The following MCF2 variants were observed in gnomAD, a reference collection of about 807,000 sequenced individuals.
MCF2 encodes the protein proto-oncogene DBL.
Under a neutral mutation model 82.5 loss-of-function variants are expected in MCF2, and 44 were observed. The ratio of observed to expected loss-of-function variants is 0.53; its 90% CI spans 0.42 to 0.69. MCF2 has a LOEUF of 0.69. Ranked by LOEUF, MCF2 falls within the 30% of genes least tolerant of loss-of-function variation. MCF2 has a pLI of 0.00. For synonymous variants in MCF2, 217 were observed against 224.9 expected, an observed-to-expected ratio of 0.96 and a Z score of 0.32; for missense variants, 623 against 663.1, an observed-to-expected ratio of 0.94 and a Z score of 0.66.
At chrX:139,593,428 T>G (rs989840452) in intron 19 of MCF2, among the ~76,000 whole-genome samples, 1 of 110,972 alleles carries the variant, frequency 9.0e-6, no homozygotes, top group Non-Finnish European at 1.9e-5. Flanking sequence ...CAGGACCAGA[T>G]GGATTCACAG....
upstream of MCF2, chrX:139,646,776 T>A: frequency 1.1e-6 from 1 of 930,077 alleles, no homozygotes. Context: ...AAAAATGTAA[T>A]GAAATACTAT....
rs190874849 is a variant in MCF2 at position 139,649,634 on chromosome X, C to T, written c.25+2086G>A. ...CCACTGAACACCTACAAGTACTGTCCTACGAGTAAACTTTATGAGAAGAGA... is the reference window on the plus strand; with the variant it reads ...CCACTGAACACCTACAAGTACTGTCTTACGAGTAAACTTTATGAGAAGAGA... On this transcript the variant is annotated intron_variant, in intron 2 of 27. Coordinates refer to the MCF2 transcript ENST00000414978. Among the ~76,000 whole-genome samples the T allele has an allele frequency of 5.9e-5, 3 of 50,558 alleles. No individual in the cohort carries two copies. In the East Asian group the frequency reaches 9.5e-4, roughly 16 times the overall value. The allele number at this position is 50,558 out of a possible 115,157, so 43.9% of individuals were successfully genotyped here.
At chrX:139,672,687 C>A (rs981187068) in intron 1 of MCF2, among the ~76,000 whole-genome samples, 1 of 112,075 alleles carries the variant, frequency 8.9e-6, no homozygotes, top group African/African-American at 3.2e-5. Flanking sequence ...GGTGGACAAG[C>A]TTTTTGATGT....
chrX:139,649,717 A>T (rs1225860010), intron 2 of MCF2, among the ~76,000 whole-genome samples: 5 of 112,089 alleles, frequency 4.5e-5, no homozygotes, highest in African/African-American at 1.6e-4. Flanking sequence ...TACCATTGGG[A>T]ACCCTTTCTT....
At chrX:139,647,653 T>C (rs901735721), upstream of MCF2, among the ~76,000 whole-genome samples, 5 of 111,016 alleles carry the variant, frequency 4.5e-5, no homozygotes, top group Admixed American at 2.9e-4. Context: ...CCCATTTCCA[T>C]AGGAACCAGG....
chrX:139,604,948 C>T (rs1405735051), exon 14 of MCF2: 31 of 1,193,973 alleles, frequency 2.6e-5, no homozygotes, highest in Non-Finnish European at 3.4e-5. Context: ...GGCATAAGAT[C>T]AAACATCTCT....
At chrX:139,651,334 C>T (rs1569384391) in intron 2 of MCF2, among the ~76,000 whole-genome samples, 1 of 110,739 alleles carries the variant, frequency 9.0e-6, no homozygotes, top group Non-Finnish European at 1.9e-5. Flanking sequence ...TGCAACTTGC[C>T]ACCATTTGTA....
intron 24 of MCF2, among the ~76,000 whole-genome samples, chrX:139,583,768 AT>A (rs1199283669): frequency 9.0e-6 from 1 of 111,242 alleles, no homozygotes; most frequent in Non-Finnish European, 1.9e-5. Context: ...AGTTGAAAGT[AT>A]TTTTTAAAAG....
intron 1 of MCF2, among the ~76,000 whole-genome samples, chrX:139,660,173 A>C: frequency 8.9e-6 from 1 of 112,003 alleles, no homozygotes; most frequent in Non-Finnish European, 1.9e-5. Flanking sequence ...CATGTCATCT[A>C]TCTAGTTCCC....
chrX:139,628,721 A>T (rs1034189861), intron 4 of MCF2, among the ~76,000 whole-genome samples: 5 of 112,275 alleles, frequency 4.5e-5, no homozygotes, highest in African/African-American at 1.6e-4. Flanking sequence ...CTATTATCAG[A>T]TGAGAGAGAC....
chrX:139,703,521 A>T (rs147355452), intron 1 of MCF2, among the ~76,000 whole-genome samples: 1,270 of 111,917 alleles, frequency 0.011, 26 homozygotes, highest in African/African-American at 0.038. Context: ...GTGTCACCTG[A>T]GGTCAGGAGT....
chrX:139,611,169 CATGAGACTCCTCTCTCCAGGAA>C (rs2148448293), intron 10 of MCF2, among the ~76,000 whole-genome samples: 1 of 111,781 alleles, frequency 8.9e-6, no homozygotes, highest in East Asian at 2.8e-4. Context: ...ACACAGGCTG[CATGAGACTCCTCTCTCCAGGAA>C]AGGAACAAAC....
At chrX:139,631,395 A>G in exon 3 of MCF2, 1 of 1,151,255 alleles carries the variant, frequency 8.7e-7, no homozygotes, top group Non-Finnish European at 1.2e-6. Flanking sequence ...GACAACATAC[A>G]TTTCTGAAGA....
exon 20 of MCF2, chrX:139,589,852 C>T (rs1189039682): frequency 8.4e-7 from 1 of 1,195,655 alleles, no homozygotes; most frequent in South Asian, 1.8e-5. Context: ...ATATAAACTT[C>T]TTCCTTTTCA....
intron 1 of MCF2, chrX:139,642,333 G>T: frequency 1.2e-6 from 1 of 868,863 alleles, no homozygotes; most frequent in Non-Finnish European, 1.7e-6. Flanking sequence ...TGCAATCCAT[G>T]CAAATATAAG....
intron 16 of MCF2, among the ~76,000 whole-genome samples, chrX:139,599,021 G>A (rs1418371210): frequency 9.1e-6 from 1 of 109,734 alleles, no homozygotes; most frequent in African/African-American, 3.3e-5. Context: ...TCATGATGTT[G>A]GGTTCCGGGA....
Position 139,671,920 on chromosome X carries a change from G to A in MCF2, c.-44-20132C>T, listed in dbSNP as rs12009056. ...TACCTTGGGCAGTATGGCCATTTTC[G>A]CGATACTGATTCTTCCTATCCATGA... On this transcript the variant is annotated intron_variant, in intron 1 of 27. Transcript: ENST00000414978. 4.5e-3 allele frequency among the ~76,000 whole-genome samples: 496 copies of A among 111,311 alleles called. 4 individuals are homozygous for A. The highest frequency in any genetic ancestry group is 0.016 in the African/African-American group (475 of 30,622).
At chrX:139,691,642 T>C (rs1204622855) in intron 1 of MCF2, among the ~76,000 whole-genome samples, 1 of 106,076 alleles carries the variant, frequency 9.4e-6, no homozygotes, top group Non-Finnish European at 1.9e-5. Context: ...GCTGCACGCC[T>C]GCAGCGCGGC....
chrX:139,596,834 C>CA (rs1172060464), intron 18 of MCF2, 64 bp from the exon 23 acceptor site: 30 of 745,841 alleles, frequency 4.0e-5, no homozygotes, highest in Non-Finnish European at 6.0e-5. Flanking sequence ...CTGACACCAA[C>CA]ATGTTAGGGT....
Sources: gnomAD v4.1 joint callset for allele counts (sites outside exome capture counted in the v4.1 genomes callset) on GRCh38, gnomAD v4.1.1 for gene constraint, MANE v1.5 for transcripts, NCBI Gene and HGNC (gene_info 2026-07-23, HGNC 2026-07-21) for gene names.